RBFOX1: variants seen among roughly 807,000 people sequenced by gnomAD.
RBFOX1 encodes the protein RNA binding protein fox-1 homolog 1.
RBFOX1 carries 8 observed loss-of-function variants against 57.7 expected under a neutral mutation model. That is an observed-to-expected ratio of 0.14 (90% CI 0.08 to 0.25). The LOEUF is 0.25. Ranked by LOEUF, RBFOX1 falls within the 10% of genes least tolerant of loss-of-function variation. The pLI is 1.00. For missense variants in RBFOX1, 611 were observed against 548.5 expected (o/e 1.11, Z -1.14); for synonymous variants, 326 against 222.4 (o/e 1.47, Z -4.15).
intron 1 of RBFOX1, among the ~76,000 whole-genome samples, chr16:6,180,260 C>G (rs1280005385): frequency 6.6e-6 from 1 of 151,522 alleles, no homozygotes; most frequent in East Asian, 1.9e-4. Context: ...CTGGGTTTTT[C>G]TTTATGTGAA....
At chr16:6,764,848 A>T (rs2077106301) in intron 3 of RBFOX1, among the ~76,000 whole-genome samples, 1 of 152,092 alleles carries the variant, frequency 6.6e-6, no homozygotes. Context: ...GAGGCAGGAG[A>T]ATCTCTTGAA....
intron 3 of RBFOX1, among the ~76,000 whole-genome samples, chr16:5,853,338 C>T (rs1248242126): frequency 3.9e-5 from 6 of 152,176 alleles, no homozygotes; most frequent in Non-Finnish European, 5.9e-5. Flanking sequence ...ACAGTTAAAT[C>T]TCCCCAAAGA....
At position 6,387,047 on chromosome 16, in the gene RBFOX1, T is replaced by C. The variant is rs139297256; in HGVS notation, c.-64+69990T>C. Among the ~76,000 whole-genome samples, 351 of 152,336 alleles carry C rather than the reference T, an allele frequency of 2.3e-3. 3 individuals carry two copies. The highest frequency in any genetic ancestry group is 8.3e-3 in the African/African-American group (344 of 41,582). On this transcript the variant is annotated intron_variant, in intron 2 of 15. Transcript: ENST00000550418. ...ATAGGTTCTGGAGAGGAACTTGGAC[T>C]TTAATTGAAATGCAAGGGGAAATGA...
In RBFOX1 at chr16:7,237,956, G is replaced by A. The variant is rs182559833; in HGVS notation, c.27+185858G>A. 9.1e-4 allele frequency among the ~76,000 whole-genome samples: 138 copies of A among 152,290 alleles called. 1 individual carries two copies. The highest frequency in any genetic ancestry group is 3.2e-3 in the African/African-American group (134 of 41,574). On this transcript the variant is annotated intron_variant, in intron 4 of 15. Coordinates refer to ENST00000550418, the MANE Select transcript of RBFOX1 (RefSeq NM_018723.4). ...GAGATGGAGGTTACAGTGAGCCCAC[G>A]TCGCGTCCCTGCACGCAAGCCTAGG...
At chr16:5,892,664 C>T (rs2058073560) in intron 4 of RBFOX1, among the ~76,000 whole-genome samples, 1 of 152,164 alleles carries the variant, frequency 6.6e-6, no homozygotes, top group African/African-American at 2.4e-5. Context: ...ATCAAATTCA[C>T]CCTGCTAAAG....
intron 4 of RBFOX1, among the ~76,000 whole-genome samples, chr16:5,968,037 G>T (rs1040655056): frequency 1.3e-5 from 2 of 152,068 alleles, no homozygotes; most frequent in African/African-American, 4.8e-5. Context: ...GTTTACATCT[G>T]TCTGACCATT....
intron 2 of RBFOX1, among the ~76,000 whole-genome samples, chr16:6,543,708 G>C (rs1002402361): frequency 2.0e-5 from 3 of 152,212 alleles, no homozygotes; most frequent in African/African-American, 7.2e-5. Flanking sequence ...TTATGTGGAA[G>C]TCTTTCCCCG....
intron 3 of RBFOX1, among the ~76,000 whole-genome samples, chr16:6,888,670 T>C (rs2064712723): frequency 6.6e-6 from 1 of 152,142 alleles, no homozygotes; most frequent in Non-Finnish European, 1.5e-5. Context: ...GACCCAGATG[T>C]CTCCTGTATT....
intron 2 of RBFOX1, among the ~76,000 whole-genome samples, chr16:6,627,650 G>C (rs1054618320): frequency 6.6e-6 from 1 of 152,120 alleles, no homozygotes; most frequent in Non-Finnish European, 1.5e-5. Context: ...CTTGAGACAT[G>C]TGATAAAGTA....
At chr16:6,234,828 C>G (rs1465354861) in intron 1 of RBFOX1, among the ~76,000 whole-genome samples, 2 of 152,020 alleles carry the variant, frequency 1.3e-5, no homozygotes, top group African/African-American at 4.8e-5. Flanking sequence ...CACACACACA[C>G]ACACACAGGC....
At chr16:5,240,088 G>T in exon 1 of RBFOX1, 2 of 1,530,056 alleles carry the variant, frequency 1.3e-6, no homozygotes, top group Non-Finnish European at 1.7e-6. Context: ...CACCCAGACA[G>T]GTGGCGACGG....
chr16:7,561,464 G>A (rs1297619287), intron 5 of RBFOX1, among the ~76,000 whole-genome samples: 5 of 152,226 alleles, frequency 3.3e-5, no homozygotes, highest in African/African-American at 1.2e-4. Flanking sequence ...ACCTGCCAAT[G>A]CAGGAGAAAT....
intron 4 of RBFOX1, among the ~76,000 whole-genome samples, chr16:7,500,956 C>G (rs62011857): frequency 0.12 from 18,430 of 152,154 alleles, 1,178 homozygotes; most frequent in East Asian, 0.22. Context: ...ATGAGGCTTT[C>G]CCCCTGCTTT....
intron 1 of RBFOX1, among the ~76,000 whole-genome samples, chr16:6,086,146 C>A (rs12923622): frequency 6.6e-6 from 1 of 151,856 alleles, no homozygotes; most frequent in Non-Finnish European, 1.5e-5. Flanking sequence ...TTGCAAAGGA[C>A]GTGATTTCAT....
chr16:7,091,658 A>G (rs1362207489), intron 4 of RBFOX1, among the ~76,000 whole-genome samples: 1 of 152,184 alleles, frequency 6.6e-6, no homozygotes, highest in Non-Finnish European at 1.5e-5. Context: ...AGCCTGCTGT[A>G]AGCAAACTTG....
intron 2 of RBFOX1, among the ~76,000 whole-genome samples, chr16:6,391,208 C>A (rs553652328): frequency 6.6e-6 from 1 of 152,188 alleles, no homozygotes; most frequent in Non-Finnish European, 1.5e-5. Context: ...AAGTTTGAAC[C>A]AATTAAGTAT....
intron 4 of RBFOX1, among the ~76,000 whole-genome samples, chr16:7,315,638 G>A (rs1184476239): frequency 1.1e-5 from 1 of 94,500 alleles, no homozygotes; most frequent in Non-Finnish European, 2.1e-5. Context: ...CCTGAAAAGT[G>A]GAGAACAGAA....
At chr16:6,154,672 T>C (rs1444648542) in intron 1 of RBFOX1, among the ~76,000 whole-genome samples, 2 of 152,168 alleles carry the variant, frequency 1.3e-5, no homozygotes, top group East Asian at 3.8e-4. Flanking sequence ...GGAATGAATA[T>C]GAATGTCAAA....
chr16:6,644,468 A>T (rs903738216), intron 2 of RBFOX1, among the ~76,000 whole-genome samples: 9 of 152,236 alleles, frequency 5.9e-5, no homozygotes, highest in African/African-American at 2.2e-4. Flanking sequence ...TCAGTTGATC[A>T]TAAGCCGATT....
Sources: allele counts gnomAD v4.1 joint callset (sites outside exome capture counted in the v4.1 genomes callset), GRCh38; gene constraint gnomAD v4.1.1; transcripts MANE v1.5; gene names NCBI Gene and HGNC (gene_info 2026-07-23, HGNC 2026-07-21).